The following CACNA1B variants were observed in gnomAD, a reference collection of about 807,000 sequenced individuals.
CACNA1B encodes the protein voltage-dependent N-type calcium channel subunit alpha-1B.
CACNA1B carries 70 observed loss-of-function variants against 247.2 expected under a neutral mutation model. The observed-to-expected ratio is 0.28, with a 90% confidence interval of 0.23 to 0.35. The LOEUF is 0.35. CACNA1B is among the 10% of genes least tolerant of loss of function. CACNA1B has a pLI of 1.00. For missense variants in CACNA1B, 2,367 were observed against 3,197.4 expected (o/e 0.74, Z 6.26); for synonymous variants, 1,231 against 1,294.4 (o/e 0.95, Z 1.05).
chr9:137,916,250 C>T (rs931915054), intron 5 of CACNA1B, among the ~76,000 whole-genome samples: 3 of 152,090 alleles, frequency 2.0e-5, no homozygotes, highest in Non-Finnish European at 4.4e-5. Flanking sequence ...CCAGGCTGGT[C>T]TCGAACTCCT....
At position 137,952,351 on chromosome 9, in the gene CACNA1B, C is replaced by T. The variant is rs200030313; in HGVS notation, c.1044C>T (p.Leu348=). ...PLIIIGSFFM[L]NLVLGVLSGE... is the part of the protein sequence containing the mutation. ...TCATCATCGGCTCCTTCTTCATGCTCAACCTGGTGCTGGGCGTGCTCTCGG... is the reference window on the plus strand; with the variant it reads ...TCATCATCGGCTCCTTCTTCATGCTTAACCTGGTGCTGGGCGTGCTCTCGG... The change falls in exon 7 of 47, where the codon CTC becomes CTT. Residue 348 remains leucine (L), a synonymous_variant. Transcript: ENST00000371372. This position sits in a 1 kb window ranked among gnomAD's most constrained non-coding sequence, Gnocchi z 4.8. 3.2e-4 allele frequency: 520 copies of T among 1,613,580 alleles called. 5 individuals are homozygous for T. In the South Asian group the frequency reaches 4.2e-3, roughly 13 times the overall value.
intron 16 of CACNA1B, among the ~76,000 whole-genome samples, chr9:138,009,697 G>A (rs921903354): frequency 2.0e-5 from 3 of 152,230 alleles, no homozygotes; most frequent in African/African-American, 7.2e-5. Context: ...CAGCCTCTGA[G>A]CTTTGCTCCT....
chr9:137,982,933 A>G (rs1958311270), intron 12 of CACNA1B, among the ~76,000 whole-genome samples: 1 of 152,238 alleles, frequency 6.6e-6, no homozygotes, highest in South Asian at 2.1e-4. Flanking sequence ...AATGTGCAGC[A>G]GATGACTGTG....
At chr9:137,994,619 A>G (rs1361650754) in intron 15 of CACNA1B, among the ~76,000 whole-genome samples, 1 of 152,228 alleles carries the variant, frequency 6.6e-6, no homozygotes, top group African/African-American at 2.4e-5. Context: ...GTAGCTGCAC[A>G]AAATAAAATA....
chr9:137,926,778 T>G (rs769845164), intron 6 of CACNA1B, among the ~76,000 whole-genome samples: 1 of 152,244 alleles, frequency 6.6e-6, no homozygotes, highest in Non-Finnish European at 1.5e-5. Context: ...GATTTGCATT[T>G]CTTTAATGAT....
At chr9:138,026,027 C>T (rs114521804) in intron 20 of CACNA1B, among the ~76,000 whole-genome samples, 15 of 152,314 alleles carry the variant, frequency 9.8e-5, no homozygotes, top group African/African-American at 2.4e-4. Flanking sequence ...TGTTTGCAGA[C>T]GGATCTCCAC....
At chr9:137,977,539 GAGGGC>G in intron 12 of CACNA1B, among the ~76,000 whole-genome samples, 1 of 152,182 alleles carries the variant, frequency 6.6e-6, no homozygotes, top group East Asian at 1.9e-4. Flanking sequence ...GCTGAGCACA[GAGGGC>G]AGGGCAGGGC....
intron 10 of CACNA1B, among the ~76,000 whole-genome samples, chr9:137,970,337 C>T (rs914513949): frequency 1.3e-5 from 2 of 152,212 alleles, no homozygotes; most frequent in Admixed American, 6.5e-5. Context: ...GAAACCCTTA[C>T]ACAGGCAGAT....
In CACNA1B at chr9:138,012,507, G is replaced by A. The variant is rs1411619607; in HGVS notation, c.2161-622G>A. Among the ~76,000 whole-genome samples, 1 of 152,020 alleles carries A rather than the reference G, an allele frequency of 6.6e-6. No homozygotes were observed. The highest frequency in any genetic ancestry group is 1.5e-5 in the Non-Finnish European group (1 of 67,998). On this transcript the variant is annotated intron_variant, in intron 17 of 46. Transcript: ENST00000371372. This position sits in a 1 kb window ranked among gnomAD's most constrained non-coding sequence, Gnocchi z 4.2. ...ACCTGTACTCCCAGCACTTTGGGAG[G>A]CCGAGGTGGGAGGATCACTTGAGCC...
At chr9:138,082,987 G>A (rs747162037) in intron 36 of CACNA1B, among the ~76,000 whole-genome samples, 5 of 150,894 alleles carry the variant, frequency 3.3e-5, no homozygotes, top group Non-Finnish European at 5.9e-5. Context: ...TCCCTTTGGT[G>A]AGGAGGTAAG....
chr9:138,021,326 C>G (rs1958842591), intron 18 of CACNA1B, among the ~76,000 whole-genome samples: 1 of 152,246 alleles, frequency 6.6e-6, no homozygotes, highest in South Asian at 2.1e-4. Context: ...CCCACCCCAC[C>G]CAAGCTCCCA....
At chr9:138,105,940 T>C (rs917011177) in intron 39 of CACNA1B, 133 bp downstream of exon 39, 28 of 615,398 alleles carry the variant, frequency 4.5e-5, no homozygotes, top group Non-Finnish European at 7.9e-5. Context: ...TGAGGACAGC[T>C]GCACAGGATA....
chr9:138,026,937 T>C (rs1433950088), intron 20 of CACNA1B, among the ~76,000 whole-genome samples: 1 of 152,250 alleles, frequency 6.6e-6, no homozygotes, highest in Non-Finnish European at 1.5e-5. Context: ...ATATTCAGTG[T>C]TGTCAGTGTT....
At chr9:138,006,419 G>C (rs1958651305) in intron 15 of CACNA1B, among the ~76,000 whole-genome samples, 1 of 152,162 alleles carries the variant, frequency 6.6e-6, no homozygotes, top group African/African-American at 2.4e-5. Context: ...GCAGTGACGT[G>C]GATGGCGCTG....
At chr9:137,921,429 G>A (rs554050221) in intron 6 of CACNA1B, among the ~76,000 whole-genome samples, 116 of 151,186 alleles carry the variant, frequency 7.7e-4, no homozygotes, top group African/African-American at 2.3e-3. Flanking sequence ...CACCACGACC[G>A]CACAGCATCC....
Position 137,882,863 on chromosome 9 carries a change from C to T in CACNA1B, c.510C>T (p.Asp170=), listed in dbSNP as rs373538691. 1 of 1,613,780 alleles carries T rather than the reference C, an allele frequency of 6.2e-7. No individual in the cohort carries two copies. The highest frequency in any genetic ancestry group is 8.5e-7 in the Non-Finnish European group (1 of 1,179,842). The change falls in exon 3 of 47, where the codon GAC becomes GAT. Residue 170 remains aspartate, a synonymous_variant. Transcript: ENST00000371372. The surrounding 1 kb of genome is among the most constrained non-coding windows in gnomAD (Gnocchi z 4.0). The stretch of plus-strand genomic sequence containing the variant: ...TGCGGAACGGCTGGAACGTCATGGA[C>T]TTCGTGGTCGTCCTCACAGGGTAGG... ...SYLRNGWNVM[D]FVVVLTGILA... is the part of the protein sequence containing the mutation.
rs1368302712 is a variant in CACNA1B at position 138,072,600 on chromosome 9, A to C, written c.4675-888A>C. ...GGCTGTGTGTGGGCACCTGACCTCT[A>C]GGTAGACAGAGGGCAGAAAGCCTCC... On this transcript the variant is annotated intron_variant, in intron 32 of 46. Coordinates refer to ENST00000371372, the MANE Select transcript of CACNA1B (RefSeq NM_000718.4). The surrounding 1 kb of genome is among the most constrained non-coding windows in gnomAD (Gnocchi z 4.5). Among the ~76,000 whole-genome samples the C allele has an allele frequency of 6.6e-6, 1 of 152,218 alleles. No homozygotes were observed. Among genetic ancestry groups the C allele is most frequent in the East Asian group, 1.9e-4 (1 of 5,196 alleles).
chr9:138,094,442 TAAAA>T (rs753995157), intron 36 of CACNA1B, among the ~76,000 whole-genome samples: 9 of 93,748 alleles, frequency 9.6e-5, no homozygotes, highest in Non-Finnish European at 9.4e-5. Context: ...TTTACTACAG[TAAAA>T]AAAAAAAAAA....
At chr9:138,112,091 C>T (rs1420414738) in intron 39 of CACNA1B, among the ~76,000 whole-genome samples, 5 of 152,192 alleles carry the variant, frequency 3.3e-5, no homozygotes, top group African/African-American at 1.2e-4. Context: ...TCCTCATTGC[C>T]CGTCCCATGC....
Sources: allele counts gnomAD v4.1 joint callset (sites outside exome capture counted in the v4.1 genomes callset), GRCh38; gene constraint gnomAD v4.1.1; non-coding constraint Gnocchi (gnomAD v3.1); transcripts MANE v1.5; gene names NCBI Gene and HGNC (gene_info 2026-07-23, HGNC 2026-07-21).